The following EXOC6B variants were observed in gnomAD, a reference collection of about 807,000 sequenced individuals.
EXOC6B encodes exocyst complex component 6B.
A neutral mutation model predicts 113.5 loss-of-function variants in EXOC6B; 54 were observed. The ratio of observed to expected loss-of-function variants is 0.48; its 90% confidence interval spans 0.38 to 0.60. The LOEUF is 0.60. EXOC6B is among the 20% of genes least tolerant of loss of function. The pLI, the probability that EXOC6B is intolerant of heterozygous loss-of-function variation, is 0.00. For missense variants in EXOC6B, 797 were observed against 977.5 expected (o/e 0.82, Z 2.46); for synonymous variants, 357 against 339.0 (o/e 1.05, Z -0.58).
At chr2:72,734,531 T>C (rs1279179468) in intron 2 of EXOC6B, among the ~76,000 whole-genome samples, 1 of 152,184 alleles carries the variant, frequency 6.6e-6, no homozygotes, top group Non-Finnish European at 1.5e-5. Flanking sequence ...ACAATCTCTG[T>C]TGTAACTATT....
intron 18 of EXOC6B, among the ~76,000 whole-genome samples, chr2:72,404,710 A>G (rs907933605): frequency 2.6e-5 from 4 of 152,224 alleles, no homozygotes; most frequent in Non-Finnish European, 5.9e-5. Context: ...CCATCTGTAC[A>G]TCACCATCAT....
At chr2:72,313,183 C>A (rs1687309022) in intron 20 of EXOC6B, among the ~76,000 whole-genome samples, 3 of 151,808 alleles carry the variant, frequency 2.0e-5, no homozygotes. Flanking sequence ...AGGAACAACA[C>A]AGAGAGGAAC....
intron 18 of EXOC6B, among the ~76,000 whole-genome samples, chr2:72,438,938 C>G (rs149102603): frequency 2.6e-4 from 40 of 152,224 alleles, no homozygotes; most frequent in African/African-American, 8.9e-4. Flanking sequence ...TCTTGAAAAA[C>G]AGCTATTAAT....
intron 18 of EXOC6B, among the ~76,000 whole-genome samples, chr2:72,440,247 T>C (rs1204105754): frequency 6.6e-6 from 1 of 152,144 alleles, no homozygotes; most frequent in East Asian, 1.9e-4. Flanking sequence ...CAGTTGGCTT[T>C]GGTTCTCCAG....
chr2:72,642,442 C>A (rs943866752), intron 6 of EXOC6B, among the ~76,000 whole-genome samples: 29 of 144,260 alleles, frequency 2.0e-4, no homozygotes, highest in African/African-American at 7.4e-4. Context: ...CAGAACAGAG[C>A]CCTCAGAAAT....
chr2:72,238,484 T>C (rs547498616), intron 20 of EXOC6B, among the ~76,000 whole-genome samples: 108 of 152,332 alleles, frequency 7.1e-4, no homozygotes, highest in African/African-American at 2.6e-3. Flanking sequence ...TGCCAGACTG[T>C]TTTCTAAAGT....
In EXOC6B at chr2:72,179,444, C is replaced by T. The variant is rs767404567; in HGVS notation, c.2327G>A (p.Arg776His). The T allele has an allele frequency of 9.3e-6, 15 of 1,613,688 alleles. No homozygotes were observed. Among genetic ancestry groups the T allele is most frequent in the East Asian group, 2.2e-5 (1 of 44,870 alleles). Residue 776 changes from arginine to histidine, a missense_variant, in exon 22 of 22, where the codon CGC becomes CAC. By Grantham distance (29) the Arg-to-His change is conservative. Coordinates refer to ENST00000272427, the MANE Select transcript of EXOC6B (RefSeq NM_015189.3). ...TLLEKMKDTSRKNNMFAQFRK... is the reference protein window; with the variant it reads ...TLLEKMKDTSHKNNMFAQFRK... ...AAACTGTGCAAACATGTTGTTCTTG[C>T]GGCTAGTATCCTTCATCCTAAACAG...
At chr2:72,297,469 A>T (rs894465833) in intron 20 of EXOC6B, among the ~76,000 whole-genome samples, 3 of 152,022 alleles carry the variant, frequency 2.0e-5, no homozygotes, top group Non-Finnish European at 4.4e-5. Flanking sequence ...ATATATGAGA[A>T]CATGTGGTAC....
chr2:72,368,542 C>G (rs1343831115), intron 19 of EXOC6B, among the ~76,000 whole-genome samples: 1 of 152,158 alleles, frequency 6.6e-6, no homozygotes, highest in Non-Finnish European at 1.5e-5. Context: ...GATACTAAAG[C>G]CTGGCAGAGA....
chr2:72,187,756 G>A (rs1051833679), intron 20 of EXOC6B, among the ~76,000 whole-genome samples: 17 of 152,134 alleles, frequency 1.1e-4, no homozygotes, highest in African/African-American at 3.9e-4. Flanking sequence ...ACTCTGGTCC[G>A]TGGGACTGGC....
At chr2:72,745,628 A>C (rs972696361) in intron 1 of EXOC6B, among the ~76,000 whole-genome samples, 1 of 152,114 alleles carries the variant, frequency 6.6e-6, no homozygotes, top group Non-Finnish European at 1.5e-5. Context: ...TAAGAAAAAA[A>C]GTTTCCAATA....
At chr2:72,403,661 T>G (rs1401861481) in intron 18 of EXOC6B, among the ~76,000 whole-genome samples, 1 of 152,330 alleles carries the variant, frequency 6.6e-6, no homozygotes, top group South Asian at 2.1e-4. Context: ...GCCACTGTAC[T>G]GCCCACTACA....
intron 18 of EXOC6B, among the ~76,000 whole-genome samples, chr2:72,433,876 C>T (rs1261195074): frequency 6.6e-6 from 1 of 152,146 alleles, no homozygotes. Context: ...TCCTCTCTTC[C>T]TATTTGAATA....
At chr2:72,731,317 C>T (rs1009943136) in intron 3 of EXOC6B, 72 bp from the exon 4 acceptor site, 5 of 1,144,810 alleles carry the variant, frequency 4.4e-6, no homozygotes, top group African/African-American at 3.1e-5. Flanking sequence ...CATTTTTCCA[C>T]ACTGTGTTCA....
rs1679560928 is a variant in EXOC6B at position 72,715,559 on chromosome 2, C to A, written c.669+2544G>T. On this transcript the variant is annotated intron_variant, in intron 6 of 21. Transcript: ENST00000272427. ...CAAGAGAACAATGAGCAAAGGAGTTCCTTCCAGGGAATCAAGGTCTAAGCA... is the reference window on the plus strand; with the variant it reads ...CAAGAGAACAATGAGCAAAGGAGTTACTTCCAGGGAATCAAGGTCTAAGCA... 2.6e-5 allele frequency among the ~76,000 whole-genome samples: 4 copies of A among 151,678 alleles called. No homozygotes were observed. The South Asian group carries it at 8.3e-4, about 31-fold the overall frequency.
At chr2:72,690,269 G>T (rs1448793342) in intron 6 of EXOC6B, among the ~76,000 whole-genome samples, 1 of 152,142 alleles carries the variant, frequency 6.6e-6, no homozygotes, top group Admixed American at 6.6e-5. Context: ...TCATAAAAAT[G>T]ACTTTGGCCT....
At chr2:72,194,569 T>TTCTCTCTCTCTCTC (rs141826011) in intron 20 of EXOC6B, among the ~76,000 whole-genome samples, 2,158 of 143,836 alleles carry the variant, frequency 0.015, 39 homozygotes, top group African/African-American at 0.042. Context: ...GGTGAATGAT[T>TTCTCTCTCTCTCTC]TCTCTCTCTC....
chr2:72,779,355 T>C (rs1398058567), intron 1 of EXOC6B, among the ~76,000 whole-genome samples: 2 of 151,832 alleles, frequency 1.3e-5, no homozygotes, highest in African/African-American at 2.4e-5. Flanking sequence ...ATACAAAATA[T>C]ATATAACATT....
intron 11 of EXOC6B, among the ~76,000 whole-genome samples, chr2:72,503,822 G>A (rs1700459602): frequency 1.3e-5 from 2 of 152,170 alleles, no homozygotes; most frequent in Admixed American, 1.3e-4. Flanking sequence ...CAATGAATGA[G>A]AATTCCTGAT....
Sources: gnomAD v4.1 joint callset for allele counts (sites outside exome capture counted in the v4.1 genomes callset) on GRCh38, gnomAD v4.1.1 for gene constraint, MANE v1.5 for transcripts, NCBI Gene and HGNC (gene_info 2026-07-23, HGNC 2026-07-21) for gene names.